RPAP2: variants seen among roughly 807,000 people sequenced by gnomAD.
The protein encoded by RPAP2 is RNA polymerase II associated protein 2.
Under a neutral mutation model 73.1 loss-of-function variants are expected in RPAP2, and 52 were observed. That is an observed-to-expected ratio of 0.71 (90% confidence interval 0.57 to 0.90). RPAP2 has a LOEUF of 0.90. Among genes scored for constraint, RPAP2 ranks in the 40% least tolerant of loss-of-function variants. The probability of loss-of-function intolerance (pLI) is 0.00; values close to 1 mark genes in which losing one functional copy is unlikely to be tolerated. For synonymous variants in RPAP2, 225 were observed against 242.1 expected, an observed-to-expected ratio of 0.93 and a Z score of 0.65; for missense variants, 598 against 701.8, an observed-to-expected ratio of 0.85 and a Z score of 1.67.
chr1:92,353,552 T>C (rs747918143), intron 11 of RPAP2, among the ~76,000 whole-genome samples: 2 of 152,232 alleles, frequency 1.3e-5, no homozygotes, highest in Non-Finnish European at 2.9e-5. Context: ...AGTGTTCAAT[T>C]TGAAACCATA....
At chr1:92,375,596 C>T (rs1047260811) in intron 11 of RPAP2, among the ~76,000 whole-genome samples, 1 of 152,122 alleles carries the variant, frequency 6.6e-6, no homozygotes, top group Non-Finnish European at 1.5e-5. Context: ...TTTGGGAGGC[C>T]TACGCGGGCA....
intron 7 of RPAP2, among the ~76,000 whole-genome samples, chr1:92,321,627 G>C (rs765028584): frequency 6.6e-6 from 1 of 151,842 alleles, no homozygotes; most frequent in Non-Finnish European, 1.5e-5. Flanking sequence ...TCCCTTTTTC[G>C]TAATTCTTCA....
At chr1:92,313,619 T>C (rs974627824) in intron 6 of RPAP2, among the ~76,000 whole-genome samples, 1 of 152,122 alleles carries the variant, frequency 6.6e-6, no homozygotes, top group Non-Finnish European at 1.5e-5. Flanking sequence ...AAATAAGCAT[T>C]GGCTTCAACT....
rs925761517 is a variant in RPAP2 at position 92,371,165 on chromosome 1, C to T, written c.1689-9559C>T. Among the ~76,000 whole-genome samples the T allele has an allele frequency of 6.6e-5, 10 of 152,012 alleles. 1 individual carries two copies. In the South Asian group the frequency reaches 1.5e-3, roughly 22 times the overall value. On this transcript the variant is annotated intron_variant, in intron 11 of 12. Coordinates refer to ENST00000610020, the MANE Select transcript of RPAP2 (RefSeq NM_024813.3). ...ACTAAAAATAGAAAAATCAGCCAGG[C>T]GTGGTGGCATGTGCCTGTAATCCCA...
At chr1:92,375,234 GATT>G (rs771477624) in intron 11 of RPAP2, among the ~76,000 whole-genome samples, 70 of 152,220 alleles carry the variant, frequency 4.6e-4, no homozygotes, top group Non-Finnish European at 8.2e-4. Context: ...TAGTCCACTA[GATT>G]AATATTTAGA....
At chr1:92,365,639 T>G (rs1221137353) in intron 11 of RPAP2, among the ~76,000 whole-genome samples, 1 of 152,158 alleles carries the variant, frequency 6.6e-6, no homozygotes, top group African/African-American at 2.4e-5. Context: ...TCGTTAATAG[T>G]TTGAAAGGTT....
chr1:92,331,824 T>C (rs990109622), intron 8 of RPAP2, among the ~76,000 whole-genome samples: 1 of 152,182 alleles, frequency 6.6e-6, no homozygotes, highest in Non-Finnish European at 1.5e-5. Flanking sequence ...TTAGTATCAG[T>C]TGATAAAGAA....
chr1:92,300,333 T>A (rs76677296), intron 2 of RPAP2, 94 bp downstream of exon 2: 12,314 of 957,244 alleles, frequency 0.013, 373 homozygotes, highest in African/African-American at 0.11. Context: ...CTTTTTTTTT[T>A]TAGAGAAAAT....
At chr1:92,351,329 GA>G (rs1242241737) in intron 11 of RPAP2, among the ~76,000 whole-genome samples, 1 of 107,616 alleles carries the variant, frequency 9.3e-6, no homozygotes, top group African/African-American at 3.6e-5. Context: ...AAAAAAAAAA[GA>G]AAGGACCATA....
chr1:92,356,577 C>A (rs1019539694), intron 11 of RPAP2, among the ~76,000 whole-genome samples: 2 of 132,210 alleles, frequency 1.5e-5, no homozygotes, highest in African/African-American at 5.8e-5. Flanking sequence ...TGTCACCACT[C>A]CTGGCTAATT....
At chr1:92,346,417 A>G (rs149076965) in intron 11 of RPAP2, among the ~76,000 whole-genome samples, 2 of 151,848 alleles carry the variant, frequency 1.3e-5, no homozygotes, top group African/African-American at 2.4e-5. Flanking sequence ...ACCTGCCTCT[A>G]CCTCCCAAAC....
At chr1:92,347,610 A>G (rs1308453480) in intron 11 of RPAP2, among the ~76,000 whole-genome samples, 1 of 152,236 alleles carries the variant, frequency 6.6e-6, no homozygotes, top group Non-Finnish European at 1.5e-5. Flanking sequence ...ATAGCAAAGA[A>G]CTGAAAAAGT....
intron 11 of RPAP2, among the ~76,000 whole-genome samples, chr1:92,367,819 G>A (rs1654989102): frequency 6.6e-6 from 1 of 152,198 alleles, no homozygotes; most frequent in Non-Finnish European, 1.5e-5. Flanking sequence ...GGAGTATGAG[G>A]AGTGTTGTTC....
At chr1:92,351,022 A>T (rs1303730762) in intron 11 of RPAP2, among the ~76,000 whole-genome samples, 3 of 152,042 alleles carry the variant, frequency 2.0e-5, no homozygotes, top group South Asian at 4.1e-4. Flanking sequence ...TGAAGTTAGA[A>T]AGGACAGTAG....
intron 11 of RPAP2, among the ~76,000 whole-genome samples, 192 bp from the exon 12 acceptor site, chr1:92,380,532 T>G (rs1344451111): frequency 6.6e-6 from 1 of 152,226 alleles, no homozygotes; most frequent in East Asian, 1.9e-4. Context: ...CTTTCATACT[T>G]AATGTTTGAT....
intron 11 of RPAP2, 147 bp from the exon 12 acceptor site, chr1:92,380,577 T>C: frequency 2.1e-6 from 1 of 474,044 alleles, no homozygotes; most frequent in Non-Finnish European, 3.6e-6. Flanking sequence ...TCTTCTGCCT[T>C]TGTTAGTAAA....
chr1:92,306,163 A>T (rs1651217001), intron 5 of RPAP2, among the ~76,000 whole-genome samples: 1 of 152,178 alleles, frequency 6.6e-6, no homozygotes, highest in East Asian at 1.9e-4. Flanking sequence ...TATATGAGGT[A>T]CCTAGAGAAG....
At chr1:92,320,756 C>G in intron 7 of RPAP2, 122 bp downstream of exon 7, 1 of 621,812 alleles carries the variant, frequency 1.6e-6, no homozygotes, top group Non-Finnish European at 2.8e-6. Flanking sequence ...GTGTCCCATT[C>G]TAGCCCACAC....
chr1:92,353,800 T>C (rs1654331760), intron 11 of RPAP2, among the ~76,000 whole-genome samples: 1 of 152,156 alleles, frequency 6.6e-6, no homozygotes, highest in South Asian at 2.1e-4. Context: ...GAAAAACATA[T>C]CTTTAAATTG....
Sources: gnomAD v4.1 joint callset for allele counts (sites outside exome capture counted in the v4.1 genomes callset) on GRCh38, gnomAD v4.1.1 for gene constraint, MANE v1.5 for transcripts, NCBI Gene and HGNC (gene_info 2026-07-23, HGNC 2026-07-21) for gene names.